Variants in DNAI3 observed in about 807,000 individuals in gnomAD.
The protein encoded by DNAI3 is dynein axonemal intermediate chain 3, also known as WD repeat domain 63.
In DNAI3, 83 loss-of-function variants were observed where a neutral mutation model predicts 115.5. The observed-to-expected ratio is 0.72, with a 90% CI of 0.60 to 0.86. The LOEUF (loss-of-function observed/expected upper bound fraction) is 0.86, where lower values mean the gene tolerates loss of function less well. Among genes scored for constraint, DNAI3 ranks in the 40% least tolerant of loss-of-function variants. The pLI is 0.00. For synonymous variants in DNAI3, 320 were observed against 347.0 expected (o/e 0.92, Z 0.86); for missense variants, 1,004 against 1,075.8 (o/e 0.93, Z 0.93).
chr1:85,131,124 A>G (rs908761587), intron 22 of DNAI3, among the ~76,000 whole-genome samples: 1 of 152,146 alleles, frequency 6.6e-6, no homozygotes. Flanking sequence ...AAACACAGTT[A>G]CTCACATGAG....
chr1:85,099,754 G>A (rs1409761218), intron 13 of DNAI3, among the ~76,000 whole-genome samples: 1 of 152,160 alleles, frequency 6.6e-6, no homozygotes, highest in Non-Finnish European at 1.5e-5. Flanking sequence ...AAACAGCATG[G>A]TACTGGTGCC....
chr1:85,126,467 T>C (rs765008502), intron 19 of DNAI3, 44 bp from the exon 20 acceptor site: 3 of 1,564,420 alleles, frequency 1.9e-6, no homozygotes, highest in Non-Finnish European at 1.7e-6. Context: ...CCTCAGATAA[T>C]AACAAAATCT....
chr1:85,082,400 T>A lies in DNAI3; in HGVS notation c.386T>A (p.Leu129Ter). ...IATEEGKENY[L>*]NPPEVPEEQE... ...ACTGAAGAGGGCAAAGAAAACTATT[T>A]AAATGTGAGCAAACCCCAAGCCCTT... Residue 129 changes from leucine (L) to a stop codon, truncating the protein, a stop_gained, in exon 5 of 23, where the codon TTA becomes TAA. Coordinates refer to ENST00000294664, the MANE Select transcript of DNAI3 (RefSeq NM_145172.5). LOFTEE classifies it high-confidence loss of function. 6.2e-7 allele frequency: 1 copy of A among 1,609,450 alleles called. No individual in the cohort carries two copies. Among genetic ancestry groups the A allele is most frequent in the South Asian group, 1.1e-5 (1 of 90,930 alleles).
Position 85,133,094 on chromosome 1 carries a change from A to T in DNAI3, c.*96A>T, listed in dbSNP as rs1386978339. 1 of 1,288,428 alleles carries T rather than the reference A, an allele frequency of 7.8e-7. No homozygotes were observed. The highest frequency in any genetic ancestry group is 1.0e-6 in the Non-Finnish European group (1 of 977,066). The allele number at this position is 1,288,428 out of a possible 1,614,324, so 79.8% of individuals were successfully genotyped here. ...GCTGAACATATATATATATAGGCTC[A>T]TTTATAGACTTTTATTTCCCTGCTA... On this transcript the variant is annotated 3_prime_UTR_variant, in exon 23 of 23. Transcript: ENST00000294664.
intron 3 of DNAI3, among the ~76,000 whole-genome samples, chr1:85,080,046 CTTTTTT>C (rs35938324): frequency 2.9e-5 from 2 of 68,380 alleles, no homozygotes; most frequent in Admixed American, 4.0e-4. Flanking sequence ...TTTTCTTTTT[CTTTTTT>C]TTTTTTTTTT....
At chr1:85,112,760 T>C (rs1005799311) in intron 16 of DNAI3, among the ~76,000 whole-genome samples, 2 of 152,142 alleles carry the variant, frequency 1.3e-5, no homozygotes, top group African/African-American at 2.4e-5. Flanking sequence ...CATTTATCAG[T>C]TGGGTTGTTT....
At chr1:85,063,119 T>C (rs1653986734) in intron 1 of DNAI3, among the ~76,000 whole-genome samples, 1 of 152,152 alleles carries the variant, frequency 6.6e-6, no homozygotes. Flanking sequence ...TTTAGGAAGC[T>C]CAGAGTTTGA....
At chr1:85,111,674 C>A (rs1387592676) in intron 16 of DNAI3, among the ~76,000 whole-genome samples, 1 of 152,094 alleles carries the variant, frequency 6.6e-6, no homozygotes, top group Non-Finnish European at 1.5e-5. Context: ...TATTTTTTAA[C>A]CTAATGAAAA....
intron 8 of DNAI3, among the ~76,000 whole-genome samples, chr1:85,090,456 G>A (rs1040752453): frequency 1.3e-5 from 2 of 152,184 alleles, no homozygotes; most frequent in Admixed American, 6.5e-5. Context: ...TGTGTGAGGA[G>A]TTGAGTGTGT....
intron 3 of DNAI3, among the ~76,000 whole-genome samples, chr1:85,074,500 T>C (rs1459277143): frequency 6.6e-6 from 1 of 152,232 alleles, no homozygotes; most frequent in African/African-American, 2.4e-5. Flanking sequence ...CTGTCCCTGA[T>C]GCATAGATAG....
chr1:85,129,429 G>C (rs1656248671), intron 21 of DNAI3, among the ~76,000 whole-genome samples: 1 of 151,246 alleles, frequency 6.6e-6, no homozygotes, highest in Admixed American at 6.6e-5. Context: ...CTTCCCCAAG[G>C]TCTCTGCTGA....
intron 1 of DNAI3, among the ~76,000 whole-genome samples, chr1:85,066,314 C>CT (rs57553075): frequency 0.012 from 818 of 69,986 alleles, 222 homozygotes; most frequent in African/African-American, 0.017. Context: ...TTCTGCTACT[C>CT]TTTTTTTTTT....
At chr1:85,125,419 C>T (rs1656103437) in intron 19 of DNAI3, among the ~76,000 whole-genome samples, 1 of 151,890 alleles carries the variant, frequency 6.6e-6, no homozygotes, top group Non-Finnish European at 1.5e-5. Flanking sequence ...TTCTGAAACT[C>T]TAACATATAC....
intron 1 of DNAI3, among the ~76,000 whole-genome samples, chr1:85,063,367 G>A (rs771020778): frequency 2.0e-4 from 31 of 152,220 alleles, no homozygotes; most frequent in Non-Finnish European, 3.5e-4. Flanking sequence ...TCTCCAGAGA[G>A]GGAGGTGGGA....
At chr1:85,065,344 A>C (rs1246080989) in intron 1 of DNAI3, among the ~76,000 whole-genome samples, 1 of 152,156 alleles carries the variant, frequency 6.6e-6, no homozygotes, top group Non-Finnish European at 1.5e-5. Context: ...CTAAAATAAA[A>C]TGTTTATTTG....
At chr1:85,128,905 C>T in intron 21 of DNAI3, 106 bp downstream of exon 21, 2 of 916,766 alleles carry the variant, frequency 2.2e-6, no homozygotes, top group East Asian at 2.5e-5. Flanking sequence ...TGTAAGGGAA[C>T]AAAAGACTCA....
chr1:85,089,814 T>C (rs1654919524), intron 7 of DNAI3, among the ~76,000 whole-genome samples: 2 of 152,134 alleles, frequency 1.3e-5, no homozygotes, highest in Non-Finnish European at 2.9e-5. Context: ...CGAATCTGGG[T>C]GAAGGGTGTG....
chr1:85,112,481 C>T (rs1655688436), intron 16 of DNAI3, among the ~76,000 whole-genome samples: 1 of 152,152 alleles, frequency 6.6e-6, no homozygotes, highest in Non-Finnish European at 1.5e-5. Flanking sequence ...TATTATATGG[C>T]AGGTGTATGT....
intron 11 of DNAI3, among the ~76,000 whole-genome samples, chr1:85,096,458 G>A (rs1057392964): frequency 6.8e-6 from 1 of 146,506 alleles, no homozygotes; most frequent in African/African-American, 2.5e-5. Context: ...ATATATGTGT[G>A]TATATATATA....
Sources: allele counts gnomAD v4.1 joint callset (sites outside exome capture counted in the v4.1 genomes callset), GRCh38; gene constraint gnomAD v4.1.1; transcripts MANE v1.5; gene names NCBI Gene and HGNC (gene_info 2026-07-23, HGNC 2026-07-21).